KLHDC4: variants seen among roughly 807,000 people sequenced by gnomAD.
The protein encoded by KLHDC4 is kelch domain-containing protein 4.
A neutral mutation model predicts 62.4 loss-of-function variants in KLHDC4; 90 were observed. The ratio of observed to expected loss-of-function variants is 1.44; its 90% CI spans 1.22 to 1.72. The LOEUF (loss-of-function observed/expected upper bound fraction) is 1.72. KLHDC4 is among the 40% of genes most tolerant of loss of function. KLHDC4 has a pLI of 0.00. For missense variants in KLHDC4, 1,025 were observed against 699.7 expected (o/e 1.47, Z -5.25); for synonymous variants, 386 against 284.4 (o/e 1.36, Z -3.59).
At chr16:87,700,515 G>GC in exon 1 of KLHDC4, 1 of 160,178 alleles carries the variant, frequency 6.2e-6, no homozygotes, top group African/African-American at 2.6e-5. Flanking sequence ...AGGGAGGAGG[G>GC]AGGAAAGAGG....
chr16:87,731,841 G>A (rs188273742), intron 5 of KLHDC4, among the ~76,000 whole-genome samples: 79 of 152,312 alleles, frequency 5.2e-4, no homozygotes, highest in African/African-American at 1.8e-3. Context: ...CTCCCCACAT[G>A]GGGGAGGACT....
intron 5 of KLHDC4, among the ~76,000 whole-genome samples, chr16:87,738,690 A>G (rs2143011641): frequency 7.7e-6 from 1 of 129,476 alleles, no homozygotes. Context: ...CACCTCATCC[A>G]TCCACACACC....
chr16:87,757,207 T>TACG, intron 2 of KLHDC4: 1 of 151,922 alleles, frequency 6.6e-6, no homozygotes, highest in Non-Finnish European at 1.5e-5. Context: ...CAGTGGCTCC[T>TACG]GCCTGTAATC....
At chr16:87,718,917 AC>A (rs1297944462) in intron 7 of KLHDC4, among the ~76,000 whole-genome samples, 1 of 141,512 alleles carries the variant, frequency 7.1e-6, no homozygotes, top group East Asian at 2.2e-4. Flanking sequence ...CCCAGCCGCC[AC>A]CCTGTCTGGG....
At chr16:87,761,297 G>C (rs1434946551) in intron 2 of KLHDC4, among the ~76,000 whole-genome samples, 1 of 152,122 alleles carries the variant, frequency 6.6e-6, no homozygotes, top group Admixed American at 6.6e-5. Flanking sequence ...CATCACATGC[G>C]CCTCATTAAT....
rs184119151 is a variant in KLHDC4, at chr16:87,733,792, C to G, written c.507-3148G>C. Among the ~76,000 whole-genome samples, 711 of 151,512 alleles carry G rather than the reference C, an allele frequency of 4.7e-3. 6 individuals carry two copies. The highest frequency in any genetic ancestry group is 8.0e-3 in the Non-Finnish European group (542 of 67,872). ...CCTGGGATCCTCACTGATGACCTGC[C>G]TCGCCTCCTACTTAGGAATCCACTC... On this transcript the variant is annotated intron_variant, in intron 5 of 11. Transcript: ENST00000270583.
At chr16:87,707,285 G>A (rs148249646), downstream of KLHDC4, among the ~76,000 whole-genome samples, 3 of 152,338 alleles carry the variant, frequency 2.0e-5, no homozygotes, top group Admixed American at 1.3e-4. Context: ...GCCATGTGGG[G>A]ACGTTGGGAG....
chr16:87,741,648 T>C (rs2042262546), intron 5 of KLHDC4, among the ~76,000 whole-genome samples: 4 of 152,036 alleles, frequency 2.6e-5, no homozygotes. Flanking sequence ...TTAACACAAC[T>C]CAAATCAGAT....
chr16:87,733,642 G>T (rs71392310), intron 5 of KLHDC4, among the ~76,000 whole-genome samples: 2 of 122,754 alleles, frequency 1.6e-5, no homozygotes, highest in African/African-American at 3.0e-5. Context: ...GACCTGCCTC[G>T]CCTCCTACTT....
chr16:87,756,179 T>C, intron 3 of KLHDC4: 1 of 422,324 alleles, frequency 2.4e-6, no homozygotes, highest in Non-Finnish European at 4.4e-6. Context: ...GGCCTCAGCC[T>C]AAGTCCCAGG....
Position 87,765,773 on chromosome 16 carries a change from C to A in KLHDC4, c.99+19G>T. On this transcript the variant is annotated intron_variant, in intron 1 of 11. Transcript: ENST00000270583. ...ACGGCCGCGACGTCGGGCCGCTAAG[C>A]CCGGTCTGACCCGCTCACCTCCTCC... 1.3e-6 allele frequency: 2 copies of A among 1,563,632 alleles called. No individual in the cohort carries two copies. The highest frequency in any genetic ancestry group is 1.4e-5 in the African/African-American group (1 of 74,070).
At chr16:87,764,184 C>T (rs1165325440) in intron 1 of KLHDC4, among the ~76,000 whole-genome samples, 1 of 152,194 alleles carries the variant, frequency 6.6e-6, no homozygotes, top group Non-Finnish European at 1.5e-5. Flanking sequence ...AGAGATGATC[C>T]TCTGTGGGTC....
chr16:87,714,401 GCTCACCGCCA>G, intron 8 of KLHDC4, 87 bp downstream of exon 8: 1 of 1,552,914 alleles, frequency 6.4e-7, no homozygotes. Context: ...GGGTGCAGGG[GCTCACCGCCA>G]GCCCCACATC....
downstream of KLHDC4, among the ~76,000 whole-genome samples, chr16:87,706,922 C>G (rs2034806436): frequency 6.6e-6 from 1 of 152,222 alleles, no homozygotes; most frequent in Non-Finnish European, 1.5e-5. Flanking sequence ...CTAGCCCTCT[C>G]CCAGCGGTGC....
chr16:87,703,048 G>A (rs764892038), downstream of KLHDC4: 4 of 152,210 alleles, frequency 2.6e-5, no homozygotes, highest in Admixed American at 6.5e-5. Context: ...AAACAATGTC[G>A]TGTGACACTT....
intron 5 of KLHDC4, among the ~76,000 whole-genome samples, chr16:87,746,413 G>T (rs1038914095): frequency 2.0e-5 from 3 of 151,972 alleles, no homozygotes; most frequent in Non-Finnish European, 4.4e-5. Context: ...GAGAGTGAGA[G>T]AAAGATTAAG....
At chr16:87,764,954 T>C (rs2046413666) in intron 1 of KLHDC4, 1 of 361,156 alleles carries the variant, frequency 2.8e-6, no homozygotes, top group African/African-American at 2.1e-5. Flanking sequence ...CAAAGGACTG[T>C]GGTCAAGAGC....
chr16:87,739,528 TCTCATCCATCCACACACCAGCAC>T (rs1567761606), intron 5 of KLHDC4, among the ~76,000 whole-genome samples: 1 of 82,402 alleles, frequency 1.2e-5, no homozygotes, highest in South Asian at 4.5e-4. Flanking sequence ...CACACCAGCA[TCTCATCCATCCACACACCAGCAC>T]CTCATCCATC....
rs138669066 is a variant in KLHDC4 at position 87,759,075 on chromosome 16, T to A, written c.192-2598A>T. Reference sequence around the variant, plus strand: ...CTGTAATCCCAGCTACTTGGGAGGCTGAGGAAGAATTGCTTGAACCTGGGA... The same window carrying A: ...CTGTAATCCCAGCTACTTGGGAGGCAGAGGAAGAATTGCTTGAACCTGGGA... On this transcript the variant is annotated intron_variant, in intron 2 of 11. Transcript: ENST00000270583. Among the ~76,000 whole-genome samples, 241 of 152,198 alleles carry A rather than the reference T, an allele frequency of 1.6e-3. 1 individual carries two copies. The highest frequency in any genetic ancestry group is 5.7e-3 in the African/African-American group (236 of 41,528).
Sources: allele counts gnomAD v4.1 joint callset (sites outside exome capture counted in the v4.1 genomes callset), GRCh38; gene constraint gnomAD v4.1.1; transcripts MANE v1.5; gene names NCBI Gene and HGNC (gene_info 2026-07-23, HGNC 2026-07-21).